CLASP1: variants seen among roughly 807,000 people sequenced by gnomAD.
CLASP1 encodes CLIP-associating protein 1.
CLASP1 carries 38 observed loss-of-function variants against 192.3 expected under a neutral mutation model. The ratio of observed to expected loss-of-function variants is 0.20; its 90% CI spans 0.15 to 0.26. The LOEUF (loss-of-function observed/expected upper bound fraction) is 0.26, where lower values mean the gene tolerates loss of function less well. Among genes scored for constraint, CLASP1 ranks in the 10% least tolerant of loss-of-function variants. The pLI is 1.00. For missense variants in CLASP1, 1,433 were observed against 1,932.5 expected, an observed-to-expected ratio of 0.74 and a Z score of 4.85; for synonymous variants, 691 against 712.8, an observed-to-expected ratio of 0.97 and a Z score of 0.49.
chr2:121,438,404 G>A (rs1016862043), intron 19 of CLASP1, among the ~76,000 whole-genome samples: 4 of 152,158 alleles, frequency 2.6e-5, no homozygotes, highest in Admixed American at 6.5e-5. Context: ...AAGATAAAGA[G>A]GATTTTTTGT....
At chr2:121,390,151 T>C (rs913331884) in intron 30 of CLASP1, among the ~76,000 whole-genome samples, 1 of 152,184 alleles carries the variant, frequency 6.6e-6, no homozygotes, top group African/African-American at 2.4e-5. Context: ...GGTTAAAATA[T>C]GGAATCCAAG....
At chr2:121,469,903 G>C (rs2090364785) in exon 9 of CLASP1, 8 of 1,613,480 alleles carry the variant, frequency 5.0e-6, no homozygotes, top group Admixed American at 1.7e-5. Context: ...GGATGATGTA[G>C]AACTAGCAGA....
intron 8 of CLASP1, among the ~76,000 whole-genome samples, chr2:121,501,556 A>C (rs1274178992): frequency 2.0e-5 from 3 of 152,244 alleles, no homozygotes; most frequent in Admixed American, 6.5e-5. Flanking sequence ...TTTTGATGGT[A>C]ATAGCTGAAT....
chr2:121,466,781 G>A (rs7587659), intron 9 of CLASP1, among the ~76,000 whole-genome samples: 1 of 152,056 alleles, frequency 6.6e-6, no homozygotes, highest in Non-Finnish European at 1.5e-5. Flanking sequence ...CATGTTGCTT[G>A]TAAGAACAAA....
intron 6 of CLASP1, among the ~76,000 whole-genome samples, chr2:121,525,404 C>A (rs911148190): frequency 6.6e-6 from 1 of 152,150 alleles, no homozygotes; most frequent in South Asian, 2.1e-4. Flanking sequence ...GGAGCCACCC[C>A]CCAAAGCAAA....
intron 2 of CLASP1, among the ~76,000 whole-genome samples, chr2:121,534,236 G>A (rs978485701): frequency 2.6e-5 from 4 of 152,200 alleles, no homozygotes; most frequent in African/African-American, 9.7e-5. Context: ...AGATTCCAAA[G>A]CCCTCCAAAG....
chr2:121,525,875 T>C (rs753687070), exon 6 of CLASP1: 48 of 1,613,430 alleles, frequency 3.0e-5, no homozygotes, highest in Non-Finnish European at 4.1e-5. Flanking sequence ...GTAAGTTGCA[T>C]ATATGTGGCA....
intron 3 of CLASP1, 37 bp from the exon 4 acceptor site, chr2:121,528,817 T>G: frequency 6.6e-7 from 1 of 1,504,960 alleles, no homozygotes; most frequent in Non-Finnish European, 9.3e-7. Flanking sequence ...AATGAAACCC[T>G]ATTTGGGGGT....
At chr2:121,613,036 A>T (rs2065871518) in intron 1 of CLASP1, among the ~76,000 whole-genome samples, 1 of 152,270 alleles carries the variant, frequency 6.6e-6, no homozygotes, top group Middle Eastern at 3.2e-3. Context: ...ACAGTAGAGG[A>T]GGTGACAATA....
intron 37 of CLASP1, among the ~76,000 whole-genome samples, chr2:121,358,270 T>C (rs1319515868): frequency 6.6e-6 from 1 of 152,238 alleles, no homozygotes; most frequent in Non-Finnish European, 1.5e-5. Flanking sequence ...GATTTTGGTT[T>C]GCTACTCAAC....
At chr2:121,489,858 A>G (rs895216519) in intron 8 of CLASP1, among the ~76,000 whole-genome samples, 7 of 152,228 alleles carry the variant, frequency 4.6e-5, no homozygotes, top group Admixed American at 1.3e-4. Context: ...CTTTTCCTCT[A>G]TACCTACTGG....
At chr2:121,613,783 T>G (rs1322948143) in intron 1 of CLASP1, among the ~76,000 whole-genome samples, 1 of 152,232 alleles carries the variant, frequency 6.6e-6, no homozygotes, top group African/African-American at 2.4e-5. Context: ...TACTGTAGAC[T>G]TCTTTGTAAG....
intron 7 of CLASP1, chr2:121,505,341 A>C (rs368006447): frequency 5.9e-5 from 9 of 152,352 alleles, no homozygotes; most frequent in African/African-American, 1.4e-4. Context: ...GGCAAGCCTG[A>C]ACAACTAGGT....
intron 36 of CLASP1, chr2:121,364,396 A>C (rs1052618047): frequency 2.6e-5 from 4 of 152,428 alleles, no homozygotes. Context: ...CTCAGCATCT[A>C]TTCCTGTTTC....
chr2:121,398,231 C>G (rs1315823957), intron 29 of CLASP1, 91 bp downstream of exon 30: 2 of 920,508 alleles, frequency 2.2e-6, no homozygotes, highest in African/African-American at 1.7e-5. Context: ...GATTTATTCA[C>G]AATAGCTAAA....
intron 9 of CLASP1, among the ~76,000 whole-genome samples, chr2:121,464,886 T>C (rs1389848987): frequency 6.6e-6 from 1 of 152,250 alleles, no homozygotes; most frequent in Non-Finnish European, 1.5e-5. Flanking sequence ...CTGTTGCCAT[T>C]GCTTTTGGTG....
At chr2:121,481,960 A>G (rs2092629133) in intron 8 of CLASP1, among the ~76,000 whole-genome samples, 2 of 152,228 alleles carry the variant, frequency 1.3e-5, no homozygotes, top group African/African-American at 2.4e-5. Flanking sequence ...TTTTCCTAAC[A>G]GCACACACAC....
chr2:121,580,637 T>C (rs914788614), intron 2 of CLASP1, among the ~76,000 whole-genome samples: 1 of 152,246 alleles, frequency 6.6e-6, no homozygotes, highest in Admixed American at 6.5e-5. Flanking sequence ...GAGTGCACCA[T>C]CGCCTGGATA....
At chr2:121,494,323 T>C (rs1387772422) in intron 8 of CLASP1, among the ~76,000 whole-genome samples, 2 of 152,186 alleles carry the variant, frequency 1.3e-5, no homozygotes, top group African/African-American at 4.8e-5. Flanking sequence ...TGGAGGAAAT[T>C]ATGTTAAGAG....
Sources: allele counts gnomAD v4.1 joint callset (sites outside exome capture counted in the v4.1 genomes callset), GRCh38; gene constraint gnomAD v4.1.1; transcripts MANE v1.5; gene names NCBI Gene and HGNC (gene_info 2026-07-23, HGNC 2026-07-21).